SORCS3: variants seen among roughly 807,000 people sequenced by gnomAD.
SORCS3 encodes VPS10 domain-containing receptor SorCS3.
SORCS3 carries 57 observed loss-of-function variants against 146.3 expected under a neutral mutation model. The ratio of observed to expected loss-of-function variants is 0.39; its 90% confidence interval spans 0.31 to 0.49. The LOEUF is 0.49. Among genes scored for constraint, SORCS3 ranks in the 20% least tolerant of loss-of-function variants. The pLI is 0.92. For missense variants in SORCS3, 1,341 were observed against 1,575.5 expected (o/e 0.85, Z 2.52); for synonymous variants, 653 against 618.5 (o/e 1.06, Z -0.83).
intron 3 of SORCS3, among the ~76,000 whole-genome samples, chr10:104,962,795 GA>G (rs1305772681): frequency 6.6e-6 from 1 of 152,142 alleles, no homozygotes; most frequent in Non-Finnish European, 1.5e-5. Flanking sequence ...AAAGTATAGA[GA>G]AGAAAATAAA....
At chr10:105,252,320 T>TA (rs1234684608) in intron 22 of SORCS3, among the ~76,000 whole-genome samples, 1 of 152,206 alleles carries the variant, frequency 6.6e-6, no homozygotes, top group East Asian at 1.9e-4. Flanking sequence ...CTATTGCACT[T>TA]AAAAAAAATC....
chr10:104,727,223 C>T (rs999389650), intron 1 of SORCS3, among the ~76,000 whole-genome samples: 5 of 152,098 alleles, frequency 3.3e-5, no homozygotes, highest in South Asian at 2.1e-4. Flanking sequence ...GAATAAATTA[C>T]GTAGTTGTAA....
chr10:104,827,736 T>A (rs2017954485), intron 1 of SORCS3, among the ~76,000 whole-genome samples: 1 of 152,212 alleles, frequency 6.6e-6, no homozygotes, highest in African/African-American at 2.4e-5. Flanking sequence ...TGGCATCTTC[T>A]TCCAACAGAA....
At chr10:104,816,079 C>G (rs117142886) in intron 1 of SORCS3, among the ~76,000 whole-genome samples, 92 of 152,202 alleles carry the variant, frequency 6.0e-4, no homozygotes, top group Non-Finnish European at 1.0e-3. Flanking sequence ...TGAATTATTT[C>G]CATGGAATAT....
At chr10:104,867,950 C>T (rs1195455219) in intron 2 of SORCS3, among the ~76,000 whole-genome samples, 1 of 152,218 alleles carries the variant, frequency 6.6e-6, no homozygotes, top group Non-Finnish European at 1.5e-5. Context: ...TCAAATGCAG[C>T]ACTAATGAGG....
At chr10:105,193,818 A>G (rs1264538242) in intron 14 of SORCS3, among the ~76,000 whole-genome samples, 3 of 152,144 alleles carry the variant, frequency 2.0e-5, no homozygotes, top group Non-Finnish European at 4.4e-5. Context: ...GTTAACAACA[A>G]TTCAAGAGCA....
intron 4 of SORCS3, among the ~76,000 whole-genome samples, chr10:104,995,839 C>A (rs2055023621): frequency 6.6e-6 from 1 of 151,056 alleles, no homozygotes; most frequent in South Asian, 2.1e-4. Flanking sequence ...GTCAGTGTTA[C>A]AATTATCTTT....
intron 3 of SORCS3, among the ~76,000 whole-genome samples, chr10:104,953,850 T>C (rs1045507762): frequency 1.4e-4 from 22 of 152,242 alleles, no homozygotes; most frequent in Admixed American, 4.6e-4. Flanking sequence ...TCTGATGCAG[T>C]CACAGACATA....
chr10:105,211,085 A>G, intron 16 of SORCS3, 52 bp from the exon 17 acceptor site: 1 of 1,298,224 alleles, frequency 7.7e-7, no homozygotes, highest in Non-Finnish European at 1.1e-6. Context: ...GCCTGCGGTT[A>G]TTTTAGCGTT....
rs186078864 is a variant in SORCS3 at position 104,817,137 on chromosome 10, T to C, written c.628-25655T>C. On this transcript the variant is annotated intron_variant, in intron 1 of 26. Transcript: ENST00000369701. ...GGAAGCGGTGGATCTACAGTCATCT[T>C]GAAGGGGCCCACACTACTTATGAGC... 3.3e-5 allele frequency among the ~76,000 whole-genome samples: 5 copies of C among 152,276 alleles called. No homozygotes were observed. In the East Asian group the frequency reaches 9.7e-4, roughly 30 times the overall value.
chr10:105,202,299 C>T lies in SORCS3; in HGVS notation c.2261+1046C>T, dbSNP rs547784613. Among the ~76,000 whole-genome samples, 5 of 152,286 alleles carry T rather than the reference C, an allele frequency of 3.3e-5. No individual in the cohort carries two copies. In the East Asian group the frequency reaches 5.8e-4, roughly 18 times the overall value. ...TTTAGCCCTGCAATTACCTTTATGT[C>T]AAAATTCCTTACTGTTCTTACCTCA... On this transcript the variant is annotated intron_variant, in intron 16 of 26. Coordinates refer to ENST00000369701, the MANE Select transcript of SORCS3 (RefSeq NM_014978.3).
intron 1 of SORCS3, among the ~76,000 whole-genome samples, chr10:104,648,217 T>G (rs966828242): frequency 1.3e-5 from 2 of 152,206 alleles, no homozygotes; most frequent in African/African-American, 4.8e-5. Flanking sequence ...AGACTGGAAG[T>G]GCACTTGGGA....
chr10:105,043,386 A>T (rs553296192), intron 5 of SORCS3, among the ~76,000 whole-genome samples: 1 of 152,144 alleles, frequency 6.6e-6, no homozygotes, highest in African/African-American at 2.4e-5. Flanking sequence ...TGCACATGAA[A>T]GTTTGAGAGG....
At chr10:104,724,521 C>T (rs1247785775) in intron 1 of SORCS3, among the ~76,000 whole-genome samples, 1 of 152,114 alleles carries the variant, frequency 6.6e-6, no homozygotes, top group Admixed American at 6.6e-5. Context: ...GAATGTTGGC[C>T]TGCCTTACTA....
chr10:104,869,213 G>A (rs1399390548), intron 2 of SORCS3, among the ~76,000 whole-genome samples: 2 of 151,904 alleles, frequency 1.3e-5, no homozygotes, highest in Non-Finnish European at 2.9e-5. Context: ...TTCAAAATTG[G>A]ATTATGTGAT....
chr10:104,722,970 C>G (rs1221653380), intron 1 of SORCS3, among the ~76,000 whole-genome samples: 2 of 152,102 alleles, frequency 1.3e-5, no homozygotes, highest in African/African-American at 4.8e-5. Flanking sequence ...TTTTGTGTCT[C>G]TATTTCCTTC....
intron 2 of SORCS3, among the ~76,000 whole-genome samples, chr10:104,855,173 T>TGTTGCATTGGGATGTGTCCATTCC (rs2018316157): frequency 6.6e-6 from 1 of 152,254 alleles, no homozygotes; most frequent in South Asian, 2.1e-4. Flanking sequence ...CTGTCCATTC[T>TGTTGCATTGGGATGTGTCCATTCC]GTTGCATTGG....
At chr10:104,989,520 T>C (rs1055688640) in intron 4 of SORCS3, among the ~76,000 whole-genome samples, 3 of 152,204 alleles carry the variant, frequency 2.0e-5, no homozygotes, top group African/African-American at 7.2e-5. Flanking sequence ...ATTTTTCTTT[T>C]GTAATTTCAT....
chr10:105,240,949 T>A (rs71473551), intron 20 of SORCS3, among the ~76,000 whole-genome samples: 46,458 of 106,554 alleles, frequency 0.44, 7,473 homozygotes, highest in Middle Eastern at 0.47. Context: ...CTGAAAAAAA[T>A]ATATATATAT....
Sources: gnomAD v4.1 joint callset for allele counts (sites outside exome capture counted in the v4.1 genomes callset) on GRCh38, gnomAD v4.1.1 for gene constraint, MANE v1.5 for transcripts, NCBI Gene and HGNC (gene_info 2026-07-23, HGNC 2026-07-21) for gene names.